The following GRIP1 variants were observed in gnomAD, a reference collection of about 807,000 sequenced individuals.
GRIP1 encodes glutamate receptor interacting protein 1.
A neutral mutation model predicts 129.9 loss-of-function variants in GRIP1; 45 were observed. The observed-to-expected ratio is 0.35, with a 90% CI of 0.27 to 0.44. The LOEUF is 0.44. Ranked by LOEUF, GRIP1 falls within the 20% of genes least tolerant of loss-of-function variation. The pLI, the probability that GRIP1 is intolerant of heterozygous loss-of-function variation, is 1.00. For synonymous variants in GRIP1, 530 were observed against 520.8 expected, an observed-to-expected ratio of 1.02 and a Z score of -0.24; for missense variants, 1,196 against 1,396.8, an observed-to-expected ratio of 0.86 and a Z score of 2.29.
chr12:66,756,036 T>C (rs1226574432), intron 1 of GRIP1, among the ~76,000 whole-genome samples: 1 of 152,180 alleles, frequency 6.6e-6, no homozygotes, highest in Middle Eastern at 3.2e-3. Context: ...TTAAAAATTA[T>C]GGTAAAAAGC....
intron 6 of GRIP1, among the ~76,000 whole-genome samples, chr12:66,516,118 T>G (rs1859938631): frequency 1.3e-5 from 2 of 152,152 alleles, no homozygotes; most frequent in African/African-American, 4.8e-5. Context: ...TATTCACCTA[T>G]TTTCCCAAAG....
At chr12:66,956,911 T>C (rs1056556729) in intron 1 of GRIP1, among the ~76,000 whole-genome samples, 4 of 152,140 alleles carry the variant, frequency 2.6e-5, no homozygotes, top group Non-Finnish European at 5.9e-5. Context: ...AAACTAAACA[T>C]GAGTCCCCAC....
chr12:66,800,071 C>T (rs548279225), intron 1 of GRIP1, among the ~76,000 whole-genome samples: 13 of 152,146 alleles, frequency 8.5e-5, no homozygotes, highest in Non-Finnish European at 1.8e-4. Context: ...TGATTTCATA[C>T]ACACACATCA....
In GRIP1 at chr12:66,349,228, T is replaced by G; in HGVS notation, c.3178A>C (p.Arg1060=). 6.2e-7 allele frequency: 1 copy of G among 1,613,880 alleles called. No homozygotes were observed. The highest frequency in any genetic ancestry group is 8.5e-7 in the Non-Finnish European group (1 of 1,179,768). Residue 1060 remains arginine, a synonymous_variant, in exon 25 of 25, where the codon AGA becomes CGA. Coordinates refer to ENST00000359742, the MANE Select transcript of GRIP1 (RefSeq NM_001366722.1). ...RLLQVNHVRT[R]DFDCCLVVPL... ...ACAACAAGGCAGCAGTCAAAGTCTCTGGTTCGGACATGATTCACCTGAAAG... is the reference window on the plus strand; with the variant it reads ...ACAACAAGGCAGCAGTCAAAGTCTCGGGTTCGGACATGATTCACCTGAAAG...
intron 1 of GRIP1, among the ~76,000 whole-genome samples, chr12:67,021,679 T>C (rs762884437): frequency 8.5e-5 from 13 of 152,308 alleles, no homozygotes; most frequent in Non-Finnish European, 1.2e-4. Flanking sequence ...TCCAAAGATA[T>C]ATAATAAACT....
At chr12:66,664,963 C>T (rs2033714418) in intron 1 of GRIP1, among the ~76,000 whole-genome samples, 1 of 152,018 alleles carries the variant, frequency 6.6e-6, no homozygotes, top group South Asian at 2.1e-4. Context: ...AGTTTCCAAA[C>T]TTCTGAAAAT....
At chr12:66,760,122 G>T (rs1438531817) in intron 1 of GRIP1, among the ~76,000 whole-genome samples, 1 of 152,056 alleles carries the variant, frequency 6.6e-6, no homozygotes, top group Non-Finnish European at 1.5e-5. Flanking sequence ...CCAAAGTGCT[G>T]GGATTACAGG....
chr12:66,692,396 G>T (rs999989100), intron 1 of GRIP1, among the ~76,000 whole-genome samples: 1 of 152,122 alleles, frequency 6.6e-6, no homozygotes, highest in African/African-American at 2.4e-5. Context: ...TTGGCACTGC[G>T]TCTACATGGC....
intron 1 of GRIP1, among the ~76,000 whole-genome samples, chr12:66,641,760 C>CCT (rs766717224): frequency 6.6e-6 from 1 of 151,970 alleles, no homozygotes; most frequent in Non-Finnish European, 1.5e-5. Flanking sequence ...CTGTGGGTCA[C>CCT]CTCTCTCTCT....
intron 1 of GRIP1, among the ~76,000 whole-genome samples, chr12:66,854,127 C>T (rs566780941): frequency 1.2e-4 from 18 of 152,044 alleles, no homozygotes; most frequent in African/African-American, 3.9e-4. Context: ...CAGTTTGCAC[C>T]TTTAATGTGC....
At chr12:66,864,265 C>T (rs533678929) in intron 1 of GRIP1, among the ~76,000 whole-genome samples, 6 of 152,028 alleles carry the variant, frequency 3.9e-5, no homozygotes, top group African/African-American at 1.4e-4. Flanking sequence ...TCCTATCCAT[C>T]CAAACAGTCT....
intron 1 of GRIP1, among the ~76,000 whole-genome samples, chr12:66,677,951 A>G (rs2034416154): frequency 6.6e-6 from 1 of 152,180 alleles, no homozygotes; most frequent in Non-Finnish European, 1.5e-5. Context: ...GCTGAAAAAG[A>G]AAGGCATTTG....
intron 1 of GRIP1, among the ~76,000 whole-genome samples, chr12:66,763,513 G>C (rs2037534095): frequency 6.6e-6 from 1 of 152,182 alleles, no homozygotes; most frequent in Non-Finnish European, 1.5e-5. Flanking sequence ...TGAAGGGAAA[G>C]AAAACTAGAT....
intron 19 of GRIP1, among the ~76,000 whole-genome samples, chr12:66,386,400 G>A (rs927634574): frequency 3.3e-5 from 5 of 152,132 alleles, no homozygotes; most frequent in Admixed American, 1.3e-4. Context: ...TTGGGAGGCC[G>A]AGGCAGGTGG....
intron 2 of GRIP1, among the ~76,000 whole-genome samples, chr12:66,587,987 T>C (rs1380992751): frequency 6.6e-6 from 1 of 152,066 alleles, no homozygotes; most frequent in African/African-American, 2.4e-5. Flanking sequence ...AGAATTTGTG[T>C]ATCACTTATA....
At chr12:66,790,850 CAG>C (rs762648196) in intron 1 of GRIP1, among the ~76,000 whole-genome samples, 6 of 151,864 alleles carry the variant, frequency 4.0e-5, no homozygotes, top group Non-Finnish European at 8.8e-5. Context: ...AGGAAGAATT[CAG>C]AGAGTTAGAA....
chr12:66,431,103 G>T (rs914037103), intron 14 of GRIP1, among the ~76,000 whole-genome samples: 7 of 152,184 alleles, frequency 4.6e-5, no homozygotes, highest in Non-Finnish European at 8.8e-5. Context: ...TTGCATGAGT[G>T]TTTGCATGCA....
chr12:66,756,487 T>C (rs1008020740), intron 1 of GRIP1, among the ~76,000 whole-genome samples: 1 of 152,224 alleles, frequency 6.6e-6, no homozygotes, highest in African/African-American at 2.4e-5. Context: ...GACTTGGATA[T>C]TAAAACTAGT....
intron 1 of GRIP1, among the ~76,000 whole-genome samples, chr12:67,036,913 C>T (rs985288825): frequency 7.9e-5 from 12 of 152,004 alleles, no homozygotes; most frequent in Admixed American, 2.6e-4. Context: ...ATAAACATAC[C>T]GAGAAACATT....
Sources: gnomAD v4.1 joint callset for allele counts (sites outside exome capture counted in the v4.1 genomes callset) on GRCh38, gnomAD v4.1.1 for gene constraint, MANE v1.5 for transcripts, NCBI Gene and HGNC (gene_info 2026-07-23, HGNC 2026-07-21) for gene names.